Variants in JAKMIP3 observed in about 807,000 individuals in gnomAD.
The protein encoded by JAKMIP3 is janus kinase and microtubule-interacting protein 3.
A neutral mutation model predicts 118.5 loss-of-function variants in JAKMIP3; 58 were observed. The ratio of observed to expected loss-of-function variants is 0.49; its 90% CI spans 0.40 to 0.61. The LOEUF (loss-of-function observed/expected upper bound fraction) is 0.61, where lower values mean the gene tolerates loss of function less well. JAKMIP3 is among the 20% of genes least tolerant of loss of function. The pLI, the probability that JAKMIP3 is intolerant of heterozygous loss-of-function variation, is 0.00. For synonymous variants in JAKMIP3, 486 were observed against 451.2 expected (o/e 1.08, Z -0.98); for missense variants, 950 against 1,109.0 (o/e 0.86, Z 2.04).
chr10:132,048,667 C>CTTTCT lies in JAKMIP3; in HGVS notation c.-138+11932_-138+11933insCTTTT, dbSNP rs1433588096. 5.4e-5 allele frequency among the ~76,000 whole-genome samples: 7 copies of CTTTCT among 129,804 alleles called. No individual in the cohort carries two copies. The East Asian group carries it at 1.4e-3, about 26-fold the overall frequency. 85.2% of individuals were successfully genotyped at this position (129,804 alleles called of 152,430 possible). The stretch of plus-strand genomic sequence containing the variant: ...AATTCCAGGCTTGACTGTTTCTTTT[C>CTTTCT]TTTTTTTTTTTTTTTGAGATGGAGT... On this transcript the variant is annotated intron_variant, in intron 1 of 23. Coordinates refer to the JAKMIP3 transcript ENST00000657785.
Position 132,133,518 on chromosome 10 carries a change from G to C in JAKMIP3, c.840G>C (p.Ser280=). 1.3e-6 allele frequency: 2 copies of C among 1,563,680 alleles called. No homozygotes were observed. Among genetic ancestry groups the C allele is most frequent in the Non-Finnish European group, 8.7e-7 (1 of 1,155,282 alleles). The part of the protein sequence containing the change: ...AAGAGDASDH[S]GSPEQQLDEK... ...GTGCAGGAGACGCTTCAGACCACTC[G>C]GGAAGCCCTGTAAGCACCTCCCAGG... is the stretch of plus-strand genomic sequence containing the variant. Residue 280 remains serine (S), a synonymous_variant, in exon 4 of 24, where the codon TCG becomes TCC. Coordinates refer to ENST00000684848, the MANE Select transcript of JAKMIP3 (RefSeq NM_001323087.2).
chr10:132,180,570 T>TGCGTGAGTGC, intron 23 of JAKMIP3, among the ~76,000 whole-genome samples: 1 of 19,954 alleles, frequency 5.0e-5, no homozygotes, highest in African/African-American at 1.9e-4. Flanking sequence ...TGTGTGTGCG[T>TGCGTGAGTGC]GTGTGTGTGC....
At chr10:132,134,214 A>T (rs371987343) in intron 4 of JAKMIP3, among the ~76,000 whole-genome samples, 7 of 152,260 alleles carry the variant, frequency 4.6e-5, no homozygotes, top group Admixed American at 2.0e-4. Context: ...TTTGACCCCG[A>T]GCCTCTCCTG....
chr10:132,170,627 G>A (rs921622191), intron 23 of JAKMIP3, among the ~76,000 whole-genome samples: 3 of 152,182 alleles, frequency 2.0e-5, no homozygotes, highest in South Asian at 2.1e-4. Flanking sequence ...GAGGTGACTC[G>A]GAGCTTCTCC....
chr10:132,125,596 G>A (rs913109122), intron 3 of JAKMIP3, among the ~76,000 whole-genome samples: 7 of 152,202 alleles, frequency 4.6e-5, no homozygotes, highest in Non-Finnish European at 8.8e-5. Flanking sequence ...AGAAAAACTG[G>A]CACCTTGAAC....
intron 2 of JAKMIP3, among the ~76,000 whole-genome samples, chr10:132,108,439 C>T (rs982602899): frequency 1.3e-5 from 2 of 152,172 alleles, no homozygotes; most frequent in African/African-American, 2.4e-5. Flanking sequence ...TTCATCTCCT[C>T]AGCTTCCAGG....
intron 2 of JAKMIP3, among the ~76,000 whole-genome samples, chr10:132,107,065 T>A (rs991223634): frequency 9.5e-5 from 9 of 94,984 alleles, no homozygotes; most frequent in African/African-American, 3.2e-4. Flanking sequence ...TTTTTTTTTT[T>A]TAACTTTTTT....
intron 1 of JAKMIP3, among the ~76,000 whole-genome samples, chr10:132,098,620 A>G (rs2044349125): frequency 6.6e-6 from 1 of 152,160 alleles, no homozygotes; most frequent in Admixed American, 6.5e-5. Context: ...GAGCCCTTCT[A>G]GGTATCACTG....
upstream of JAKMIP3, among the ~76,000 whole-genome samples, chr10:132,065,253 C>A (rs758754118): frequency 1.5e-4 from 23 of 152,126 alleles, no homozygotes; most frequent in Middle Eastern, 3.4e-3. This position sits in a 1 kb window ranked among gnomAD's most constrained non-coding sequence, Gnocchi z 5.6. Context: ...CTTTTCCGGA[C>A]GGTGATTATG....
rs965914249 is a variant in JAKMIP3 at position 132,145,033 on chromosome 10, C to T, written c.1603-74C>T. ...TGAACCAAAAGACAGACCCTTCTGA[C>T]GTCCCACGAGTGTGTGTGCTGTCTG... On this transcript the variant is annotated intron_variant, in intron 11 of 23. Coordinates refer to ENST00000684848, the MANE Select transcript of JAKMIP3 (RefSeq NM_001323087.2). 2.8e-5 allele frequency: 34 copies of T among 1,235,652 alleles called. No individual in the cohort carries two copies. In the Middle Eastern group the frequency reaches 5.5e-4, roughly 20 times the overall value. The allele number at this position is 1,235,652 out of a possible 1,614,324, so 76.5% of individuals were successfully genotyped here. A position where few individuals can be genotyped will look rare whatever the true frequency, so the allele number is the denominator to read the frequency against.
At chr10:132,070,265 A>G (rs1564864408) in intron 1 of JAKMIP3, among the ~76,000 whole-genome samples, 1 of 152,056 alleles carries the variant, frequency 6.6e-6, no homozygotes, top group East Asian at 1.9e-4. Context: ...CTCCTACCTC[A>G]GCCTCCCGAG....
At chr10:132,148,946 G>A (rs2136108763) in intron 14 of JAKMIP3, among the ~76,000 whole-genome samples, 1 of 152,338 alleles carries the variant, frequency 6.6e-6, no homozygotes, top group East Asian at 1.9e-4. Context: ...CCGGAGGACA[G>A]GGCAGCTGTG....
At chr10:132,094,604 G>T (rs935846328) in intron 1 of JAKMIP3, among the ~76,000 whole-genome samples, 5 of 152,158 alleles carry the variant, frequency 3.3e-5, no homozygotes, top group Non-Finnish European at 7.4e-5. Flanking sequence ...AGAGCTGTCT[G>T]TGGGCCTCTT....
In JAKMIP3 at chr10:132,118,321, G is replaced by A. The variant is rs1648489381; in HGVS notation, c.633+747G>A. Among the ~76,000 whole-genome samples the A allele has an allele frequency of 6.6e-6, 1 of 152,228 alleles. No individual in the cohort carries two copies. The highest frequency in any genetic ancestry group is 6.5e-5 in the Admixed American group (1 of 15,284). ...ACGAGAATGTCCAGGGATTGCAAGGGACTGATTCCACCCGATGCCCCTTGT... is the reference window on the plus strand; with the variant it reads ...ACGAGAATGTCCAGGGATTGCAAGGAACTGATTCCACCCGATGCCCCTTGT... On this transcript the variant is annotated intron_variant, in intron 3 of 23. Transcript: ENST00000684848. This position sits in a 1 kb window ranked among gnomAD's most constrained non-coding sequence, Gnocchi z 4.8.
At chr10:132,037,069 C>G (rs922311739) in intron 1 of JAKMIP3, among the ~76,000 whole-genome samples, 4 of 152,230 alleles carry the variant, frequency 2.6e-5, no homozygotes, top group African/African-American at 4.8e-5. Flanking sequence ...CTGTGCCTCC[C>G]GCGGAAAGGG....
chr10:132,124,868 G>C (rs1211585077), intron 3 of JAKMIP3, among the ~76,000 whole-genome samples: 1 of 152,258 alleles, frequency 6.6e-6, no homozygotes, highest in Non-Finnish European at 1.5e-5. Flanking sequence ...ATCCTCATCA[G>C]TGACAGTATT....
chr10:132,100,393 C>T (rs1335315910), intron 1 of JAKMIP3, among the ~76,000 whole-genome samples: 1 of 152,170 alleles, frequency 6.6e-6, no homozygotes, highest in African/African-American at 2.4e-5. Flanking sequence ...CAGCTGAGAT[C>T]TCCCACTCCC....
At chr10:132,124,916 C>T (rs949027622) in intron 3 of JAKMIP3, among the ~76,000 whole-genome samples, 5 of 152,218 alleles carry the variant, frequency 3.3e-5, no homozygotes, top group Admixed American at 1.3e-4. Flanking sequence ...AGAGGCTGGC[C>T]GTTCCACTGC....
At chr10:132,177,958 G>T (rs538739408) in intron 23 of JAKMIP3, among the ~76,000 whole-genome samples, 28 of 143,376 alleles carry the variant, frequency 2.0e-4, no homozygotes, top group Non-Finnish European at 3.4e-4. Flanking sequence ...GGTAGTGTGC[G>T]TGTATGTGTG....
Sources: gnomAD v4.1 joint callset for allele counts (sites outside exome capture counted in the v4.1 genomes callset) on GRCh38, gnomAD v4.1.1 for gene constraint, Gnocchi (gnomAD v3.1) non-coding constraint, MANE v1.5 for transcripts, NCBI Gene and HGNC (gene_info 2026-07-23, HGNC 2026-07-21) for gene names.